Variants in DISC1 observed in about 807,000 individuals in gnomAD.
DISC1 encodes the protein disrupted in schizophrenia 1 protein.
DISC1 carries 57 observed loss-of-function variants against 84.5 expected under a neutral mutation model. The ratio of observed to expected loss-of-function variants is 0.67; its 90% CI spans 0.55 to 0.84. DISC1 has a LOEUF of 0.84. Among genes scored for constraint, DISC1 ranks in the 40% least tolerant of loss-of-function variants. The pLI, the probability that DISC1 is intolerant of heterozygous loss-of-function variation, is 0.00. For missense variants in DISC1, 1,000 were observed against 1,057.8 expected (o/e 0.95, Z 0.76); for synonymous variants, 411 against 415.2 (o/e 0.99, Z 0.12).
intron 4 of DISC1, among the ~76,000 whole-genome samples, chr1:231,766,484 G>A (rs1397701552): frequency 2.0e-5 from 3 of 152,088 alleles, no homozygotes; most frequent in Admixed American, 6.5e-5. Context: ...CTGATTGTGG[G>A]AGAAAATCTT....
intron 9 of DISC1, among the ~76,000 whole-genome samples, chr1:231,923,879 G>A (rs542893596): frequency 2.0e-5 from 3 of 152,272 alleles, no homozygotes; most frequent in South Asian, 2.1e-4. Context: ...GAACAGCTTC[G>A]TTTTTGGGCC....
At chr1:231,631,508 C>T (rs1289918638) in intron 1 of DISC1, among the ~76,000 whole-genome samples, 4 of 152,058 alleles carry the variant, frequency 2.6e-5, no homozygotes, top group African/African-American at 9.7e-5. Flanking sequence ...GGCCTTCCAA[C>T]GGGACAAGGT....
Position 232,008,988 on chromosome 1 carries a change from T to C in DISC1, c.2246T>C (p.Leu749Ser), listed in dbSNP as rs771272566. The C allele has an allele frequency of 3.7e-6, 6 of 1,613,826 alleles. No individual in the cohort carries two copies. The highest frequency in any genetic ancestry group is 5.1e-6 in the Non-Finnish European group (6 of 1,179,838). ...EDKRKTPLKV[L>S]EEWKTHLIPS... ...AAAAGGAAGACCCCTTTGAAGGTATTGGAAGAATGGAAGACTCACCTCATC... is the reference window on the plus strand; with the variant it reads ...AAAAGGAAGACCCCTTTGAAGGTATCGGAAGAATGGAAGACTCACCTCATC... The change falls in exon 11 of 13, where the codon TTG becomes TCG. Residue 749 changes from leucine (L) to serine (S), a missense_variant. By Grantham distance (145) the Leu-to-Ser change is moderately radical. Coordinates refer to ENST00000439617, the MANE Select transcript of DISC1 (RefSeq NM_018662.3).
chr1:231,720,890 C>T, intron 3 of DISC1: 1 of 1,290,912 alleles, frequency 7.7e-7, no homozygotes, highest in South Asian at 1.2e-5. Context: ...ACTTTGCATA[C>T]CTAGTTCTGA....
chr1:231,860,957 T>C (rs1040866604), intron 9 of DISC1, among the ~76,000 whole-genome samples: 3 of 152,234 alleles, frequency 2.0e-5, no homozygotes, highest in Non-Finnish European at 2.9e-5. Flanking sequence ...ACCTAGCAGT[T>C]GAAGATGATT....
chr1:231,631,697 T>A (rs1023417918), intron 1 of DISC1, among the ~76,000 whole-genome samples: 1 of 151,980 alleles, frequency 6.6e-6, no homozygotes, highest in Non-Finnish European at 1.5e-5. Context: ...AGCTGCACAA[T>A]GTATTTGTGT....
chr1:231,892,268 A>C (rs1459677502), intron 9 of DISC1, among the ~76,000 whole-genome samples: 1 of 152,248 alleles, frequency 6.6e-6, no homozygotes, highest in African/African-American at 2.4e-5. Flanking sequence ...GATTGATTCT[A>C]TTGGGAATGA....
chr1:231,902,136 GA>G (rs2088229095), intron 9 of DISC1, among the ~76,000 whole-genome samples: 1 of 152,086 alleles, frequency 6.6e-6, no homozygotes, highest in Middle Eastern at 3.2e-3. Flanking sequence ...GTGTCTTAAA[GA>G]GGGGCACTGC....
intron 9 of DISC1, among the ~76,000 whole-genome samples, chr1:231,900,283 C>T (rs930608662): frequency 6.6e-6 from 1 of 152,176 alleles, no homozygotes; most frequent in Non-Finnish European, 1.5e-5. Flanking sequence ...GCACATTCCC[C>T]GTTCATGGAA....
At chr1:231,962,853 C>T (rs765807435) in intron 10 of DISC1, among the ~76,000 whole-genome samples, 3 of 152,160 alleles carry the variant, frequency 2.0e-5, no homozygotes, top group South Asian at 2.1e-4. Flanking sequence ...CCTGGGTGGG[C>T]GGGCACCATG....
chr1:232,009,167 T>C lies in DISC1; in HGVS notation c.2307+118T>C, dbSNP rs762541994. The C allele has an allele frequency of 6.1e-6, 9 of 1,484,288 alleles. No individual in the cohort carries two copies. Among genetic ancestry groups the C allele is most frequent in the South Asian group, 1.4e-5 (1 of 71,790 alleles). The allele number at this position is 1,484,288 out of a possible 1,614,324, so 91.9% of individuals were successfully genotyped here. ...GGCTTCCCATTGAGCATATAAACTT[T>C]TAAAAGTTTCAATAACTCTTGAATA... On this transcript the variant is annotated intron_variant, in intron 11 of 12. Transcript: ENST00000439617. This position sits in a 1 kb window ranked among gnomAD's most constrained non-coding sequence, Gnocchi z 4.6.
chr1:231,872,926 T>G (rs2085573084), intron 9 of DISC1, among the ~76,000 whole-genome samples: 1 of 152,224 alleles, frequency 6.6e-6, no homozygotes, highest in Admixed American at 6.5e-5. Context: ...AGTTTTAATT[T>G]TTCCTTTTAC....
chr1:232,035,185 C>G (rs1054090119), intron 12 of DISC1, among the ~76,000 whole-genome samples: 1 of 152,212 alleles, frequency 6.6e-6, no homozygotes, highest in Non-Finnish European at 1.5e-5. Context: ...CATGGTGGCT[C>G]ATGCCTGTAA....
chr1:231,778,505 C>A (rs2077133520), intron 6 of DISC1, among the ~76,000 whole-genome samples: 1 of 152,182 alleles, frequency 6.6e-6, no homozygotes, highest in Admixed American at 6.5e-5. Context: ...CTGGCACTTT[C>A]CTTAGGGCTG....
chr1:231,856,527 C>G (rs568030160), intron 9 of DISC1, among the ~76,000 whole-genome samples: 2 of 152,344 alleles, frequency 1.3e-5, no homozygotes, highest in East Asian at 1.9e-4. Context: ...CATTGATTCT[C>G]TCTCATGTCC....
chr1:231,882,900 A>G (rs2125985901), intron 9 of DISC1, among the ~76,000 whole-genome samples: 1 of 152,100 alleles, frequency 6.6e-6, no homozygotes, highest in South Asian at 2.1e-4. Context: ...CGCAGGATAC[A>G]GGGCTGGGCA....
At chr1:231,959,530 A>T (rs1660091290) in intron 10 of DISC1, 6 of 983,046 alleles carry the variant, frequency 6.1e-6, no homozygotes, top group Non-Finnish European at 7.2e-6. Context: ...ATTTAGTTTT[A>T]TGGAGACCAT....
chr1:231,645,030 A>G (rs1029294818), intron 1 of DISC1, among the ~76,000 whole-genome samples: 20 of 152,006 alleles, frequency 1.3e-4, no homozygotes, highest in African/African-American at 4.8e-4. Context: ...TGTGGACATT[A>G]TTGGTAGTTT....
chr1:231,929,928 G>C (rs1443046145), intron 9 of DISC1, among the ~76,000 whole-genome samples: 1 of 152,128 alleles, frequency 6.6e-6, no homozygotes. Context: ...GCTCAAACCT[G>C]GCTGCTAATA....
Sources: gnomAD v4.1 joint callset for allele counts (sites outside exome capture counted in the v4.1 genomes callset) on GRCh38, gnomAD v4.1.1 for gene constraint, Gnocchi (gnomAD v3.1) non-coding constraint, MANE v1.5 for transcripts, NCBI Gene and HGNC (gene_info 2026-07-23, HGNC 2026-07-21) for gene names.